The following MARCHF7 variants were observed in gnomAD, a reference collection of about 807,000 sequenced individuals.
The protein encoded by MARCHF7 is E3 ubiquitin-protein ligase MARCHF7.
In MARCHF7, 20 loss-of-function variants were observed where a neutral mutation model predicts 76.5. That is an observed-to-expected ratio of 0.26 (90% CI 0.18 to 0.38). MARCHF7 has a LOEUF of 0.38. Among genes scored for constraint, MARCHF7 ranks in the 10% least tolerant of loss-of-function variants. MARCHF7 has a pLI of 1.00. For missense variants in MARCHF7, 797 were observed against 812.9 expected, an observed-to-expected ratio of 0.98 and a Z score of 0.24; for synonymous variants, 295 against 293.0, an observed-to-expected ratio of 1.01 and a Z score of -0.07.
chr2:159,714,504 A>G (rs981046060), intron 1 of MARCHF7, 53 bp from the exon 2 acceptor site: 8 of 152,348 alleles, frequency 5.3e-5, no homozygotes, highest in African/African-American at 1.9e-4. Flanking sequence ...GTGAAGGCTC[A>G]CTAGGACTTT....
intron 3 of MARCHF7, among the ~76,000 whole-genome samples, chr2:159,720,140 C>G (rs1019201890): frequency 5.3e-5 from 8 of 152,166 alleles, no homozygotes; most frequent in Non-Finnish European, 1.2e-4. Context: ...ATTCTCCTTC[C>G]TCAGCCTCCC....
chr2:159,727,004 A>C (rs1559995246), intron 3 of MARCHF7, among the ~76,000 whole-genome samples: 1 of 152,210 alleles, frequency 6.6e-6, no homozygotes, highest in South Asian at 2.1e-4. Context: ...TATACCATCT[A>C]GGTTTGTGTA....
intron 10 of MARCHF7, 50 bp from the exon 11 acceptor site, chr2:159,764,576 A>G (rs1644248063): frequency 1.4e-6 from 2 of 1,404,346 alleles, no homozygotes; most frequent in South Asian, 1.3e-5. Context: ...CTCTCTTTAG[A>G]TCCATTTGCA....
rs537688511 is a variant in MARCHF7 at position 159,746,045 on chromosome 2, T to C, written c.514+108T>C. ...GGAGTAAAGTGTATATTTTGTCTTATGAAGATTTCAGAATACCTTAATATT... is the reference window on the plus strand; with the variant it reads ...GGAGTAAAGTGTATATTTTGTCTTACGAAGATTTCAGAATACCTTAATATT... On this transcript the variant is annotated intron_variant, in intron 6 of 11. Coordinates refer to ENST00000409175, the MANE Select transcript of MARCHF7 (RefSeq NM_001282805.2). 1.2e-5 allele frequency: 10 copies of C among 845,054 alleles called. No individual in the cohort carries two copies. The East Asian group carries it at 2.5e-4, about 21-fold the overall frequency. 52.3% of individuals were successfully genotyped at this position (845,054 alleles called of 1,614,324 possible).
chr2:159,729,006 C>A lies in MARCHF7; in HGVS notation c.-14-3C>A. The A allele has an allele frequency of 6.5e-7, 1 of 1,534,536 alleles. No homozygotes were observed. The highest frequency in any genetic ancestry group is 8.7e-7 in the Non-Finnish European group (1 of 1,144,340). Reference sequence around the variant, plus strand: ...GCAATTAATGAAAATTTTTATTTCACAGAAAAATCTTTAAGAATGGAGTCT... The same window carrying A: ...GCAATTAATGAAAATTTTTATTTCAAAGAAAAATCTTTAAGAATGGAGTCT... On this transcript the variant is annotated splice_polypyrimidine_tract_variant and splice_region_variant and intron_variant, in intron 3 of 11. Transcript: ENST00000409175.
At position 159,765,245 on chromosome 2, in the gene MARCHF7, A is replaced by G. The variant is rs1707625977; in HGVS notation, c.2056+571A>G. On this transcript the variant is annotated intron_variant, in intron 11 of 11. Coordinates refer to ENST00000409175, the MANE Select transcript of MARCHF7 (RefSeq NM_001282805.2). ...TTTTGTAGGTCCTCATGGACCTTTA[A>G]TAGGTAGCCAGCTCTGCCAACAGCT... Among the ~76,000 whole-genome samples the G allele has an allele frequency of 3.3e-5, 5 of 151,590 alleles. 1 individual carries two copies. The South Asian group carries it at 1.0e-3, about 32-fold the overall frequency.
At chr2:159,731,279 G>A (rs544244856) in intron 4 of MARCHF7, among the ~76,000 whole-genome samples, 1 of 152,232 alleles carries the variant, frequency 6.6e-6, no homozygotes, top group Non-Finnish European at 1.5e-5. Flanking sequence ...CCTGGCATAT[G>A]ATAAATACTA....
At chr2:159,744,578 C>G (rs1704615374) in intron 5 of MARCHF7, among the ~76,000 whole-genome samples, 1 of 152,186 alleles carries the variant, frequency 6.6e-6, no homozygotes, top group Non-Finnish European at 1.5e-5. Flanking sequence ...AGGTAAAATT[C>G]TTTAAATGTT....
chr2:159,732,065 C>T (rs1486144921), intron 4 of MARCHF7, among the ~76,000 whole-genome samples: 2 of 152,000 alleles, frequency 1.3e-5, no homozygotes, highest in African/African-American at 2.4e-5. Flanking sequence ...GATCACGCCA[C>T]TGCACTCTAG....
chr2:159,724,082 T>A (rs1701916299), intron 3 of MARCHF7, among the ~76,000 whole-genome samples: 1 of 152,234 alleles, frequency 6.6e-6, no homozygotes, highest in Non-Finnish European at 1.5e-5. Context: ...GGTAGTGTTT[T>A]TGGTCGTTGT....
intron 7 of MARCHF7, among the ~76,000 whole-genome samples, chr2:159,749,349 T>TG (rs531276336): frequency 0.016 from 2,419 of 151,452 alleles, 49 homozygotes; most frequent in African/African-American, 0.049. Flanking sequence ...TTTGTTTTTT[T>TG]TTGTTGTTGT....
chr2:159,746,682 T>C (rs1028906159), intron 6 of MARCHF7, among the ~76,000 whole-genome samples: 7 of 152,348 alleles, frequency 4.6e-5, no homozygotes, highest in Non-Finnish European at 1.0e-4. Context: ...ATTACAGGTA[T>C]GAGCCACTGC....
rs777002555 is a variant in MARCHF7, at chr2:159,748,770, A to C, written c.1480A>C (p.Ser494Arg). Residue 494 changes from serine to arginine, a missense_variant, in exon 7 of 12, where the codon AGT becomes CGT. Transcript: ENST00000409175. ...FRFAVPPALG[S>R]NLTDNVMITV... Reference sequence around the variant, plus strand: ...GTTTGCAGTCCCTCCAGCACTTGGGAGTAATTTGACCGACAATGTCATGAT... The same window carrying C: ...GTTTGCAGTCCCTCCAGCACTTGGGCGTAATTTGACCGACAATGTCATGAT... 6.2e-7 allele frequency: 1 copy of C among 1,614,156 alleles called. No homozygotes were observed. The highest frequency in any genetic ancestry group is 8.5e-7 in the Non-Finnish European group (1 of 1,180,030).
intron 3 of MARCHF7, among the ~76,000 whole-genome samples, chr2:159,717,657 T>C (rs1001897696): frequency 2.6e-5 from 4 of 152,228 alleles, no homozygotes; most frequent in Non-Finnish European, 4.4e-5. Context: ...AAGGGAATTA[T>C]TCTCCTTAGG....
chr2:159,713,407 C>T (rs959551353), intron 1 of MARCHF7, among the ~76,000 whole-genome samples: 1 of 152,200 alleles, frequency 6.6e-6, no homozygotes, highest in African/African-American at 2.4e-5. Context: ...GAAAGTCTAT[C>T]TGGGTAATAA....
At chr2:159,743,950 A>ATGG in intron 5 of MARCHF7, among the ~76,000 whole-genome samples, 1 of 149,698 alleles carries the variant, frequency 6.7e-6, no homozygotes, top group Non-Finnish European at 1.5e-5. Context: ...TTACAAAAAA[A>ATGG]TGGTGGTTAT....
At chr2:159,761,402 A>ATTTTT (rs1437341788) in intron 9 of MARCHF7, among the ~76,000 whole-genome samples, 136 of 68,246 alleles carry the variant, frequency 2.0e-3, no homozygotes, top group Non-Finnish European at 3.0e-3. Context: ...TAAGTGAATC[A>ATTTTT]TTTCTTTTTT....
chr2:159,719,770 G>T (rs57562635), intron 3 of MARCHF7, among the ~76,000 whole-genome samples: 2 of 151,828 alleles, frequency 1.3e-5, no homozygotes, highest in African/African-American at 2.4e-5. Context: ...TTGCATTTTT[G>T]TGTATCATAC....
At chr2:159,731,924 G>A (rs1702845642) in intron 4 of MARCHF7, among the ~76,000 whole-genome samples, 1 of 151,010 alleles carries the variant, frequency 6.6e-6, no homozygotes, top group Admixed American at 6.6e-5. Context: ...CTAACACAGT[G>A]AAACCCCGTC....
Sources: gnomAD v4.1 joint callset for allele counts (sites outside exome capture counted in the v4.1 genomes callset) on GRCh38, gnomAD v4.1.1 for gene constraint, MANE v1.5 for transcripts, NCBI Gene and HGNC (gene_info 2026-07-23, HGNC 2026-07-21) for gene names.